The following FRAS1 variants were observed in gnomAD, a reference collection of about 807,000 sequenced individuals.
The protein encoded by FRAS1 is extracellular matrix organizing protein FRAS1.
FRAS1 carries 290 observed loss-of-function variants against 435.2 expected under a neutral mutation model. The observed-to-expected ratio is 0.67, with a 90% CI of 0.61 to 0.73. FRAS1 has a LOEUF of 0.73. Ranked by LOEUF, FRAS1 falls within the 30% of genes least tolerant of loss-of-function variation. The pLI, the probability that FRAS1 is intolerant of heterozygous loss-of-function variation, is 0.00. For synonymous variants in FRAS1, 1,800 were observed against 1,851.0 expected, an observed-to-expected ratio of 0.97 and a Z score of 0.71; for missense variants, 4,860 against 5,001.5, an observed-to-expected ratio of 0.97 and a Z score of 0.85.
chr4:78,418,639 T>A (rs61212203), intron 32 of FRAS1, among the ~76,000 whole-genome samples: 23 of 152,254 alleles, frequency 1.5e-4, no homozygotes, highest in African/African-American at 5.5e-4. Context: ...TTTGCAAACG[T>A]GTTCCACCTA....
chr4:78,320,071 A>T (rs1467470443), intron 18 of FRAS1, among the ~76,000 whole-genome samples: 1 of 152,176 alleles, frequency 6.6e-6, no homozygotes, highest in Non-Finnish European at 1.5e-5. Flanking sequence ...ACCTCCATCC[A>T]TGTACTCAGG....
chr4:78,334,926 T>G (rs577775174), intron 19 of FRAS1, among the ~76,000 whole-genome samples: 1 of 151,852 alleles, frequency 6.6e-6, no homozygotes, highest in African/African-American at 2.4e-5. Context: ...GCCCAAGTAA[T>G]TTTTTTTAAA....
At chr4:78,067,325 G>C (rs1379055095) in intron 2 of FRAS1, among the ~76,000 whole-genome samples, 1 of 152,166 alleles carries the variant, frequency 6.6e-6, no homozygotes, top group African/African-American at 2.4e-5. Context: ...ACCAGAACAA[G>C]ACATCCTGTC....
At chr4:78,171,043 A>T (rs1313451489) in intron 2 of FRAS1, among the ~76,000 whole-genome samples, 1 of 151,962 alleles carries the variant, frequency 6.6e-6, no homozygotes, top group East Asian at 1.9e-4. Context: ...ATGAACCAGC[A>T]ATTTTAGGGC....
chr4:78,391,290 C>G (rs1458987178), intron 29 of FRAS1, among the ~76,000 whole-genome samples: 2 of 152,196 alleles, frequency 1.3e-5, no homozygotes, highest in Non-Finnish European at 2.9e-5. Flanking sequence ...CAGCCTTATA[C>G]TGAGTTGCTG....
intron 2 of FRAS1, among the ~76,000 whole-genome samples, chr4:78,099,676 C>T (rs1742015513): frequency 6.6e-6 from 1 of 152,084 alleles, no homozygotes; most frequent in Non-Finnish European, 1.5e-5. Flanking sequence ...ACAGTGAGAA[C>T]ATAGTAAAGT....
chr4:78,197,922 C>T (rs972098586), intron 2 of FRAS1, among the ~76,000 whole-genome samples: 7 of 133,240 alleles, frequency 5.3e-5, no homozygotes, highest in African/African-American at 2.0e-4. Flanking sequence ...GCCTGGGTGA[C>T]AGAGTGAGAC....
At chr4:78,104,008 T>G (rs1222236479) in intron 2 of FRAS1, among the ~76,000 whole-genome samples, 1 of 152,176 alleles carries the variant, frequency 6.6e-6, no homozygotes, top group Non-Finnish European at 1.5e-5. Context: ...GAATGCAACA[T>G]GCACTTGTAA....
At position 78,284,229 on chromosome 4, in the gene FRAS1, ATTTTT is replaced by A. The variant is rs11453256; in HGVS notation, c.1256-157_1256-153del. On this transcript the variant is annotated intron_variant, in intron 12 of 73. Transcript: ENST00000512123. ...TCCTTGCAATCTTGCATTGGAATGT[ATTTTT>A]TTTTTTTTTTTTTTTTTTGCTATTT... 6.1e-4 allele frequency among the ~76,000 whole-genome samples: 49 copies of A among 80,820 alleles called. 1 individual carries two copies. The East Asian group carries it at 9.4e-3, about 16-fold the overall frequency. The allele number at this position is 80,820 out of a possible 152,430, so 53.0% of individuals were successfully genotyped here.
At chr4:78,167,751 C>A (rs965231123) in intron 2 of FRAS1, among the ~76,000 whole-genome samples, 4 of 151,982 alleles carry the variant, frequency 2.6e-5, no homozygotes, top group African/African-American at 7.2e-5. Flanking sequence ...TGAACCCCAG[C>A]GATCTGAACC....
intron 19 of FRAS1, among the ~76,000 whole-genome samples, chr4:78,334,771 T>TG (rs963014446): frequency 2.6e-5 from 4 of 151,940 alleles, no homozygotes; most frequent in African/African-American, 9.7e-5. Flanking sequence ...TTTTTCTTTT[T>TG]TTTAAGAGAT....
chr4:78,281,676 T>G (rs1727338452), intron 11 of FRAS1, among the ~76,000 whole-genome samples: 1 of 152,218 alleles, frequency 6.6e-6, no homozygotes, highest in Non-Finnish European at 1.5e-5. Flanking sequence ...AGCTCCTACA[T>G]AGATTCTTTC....
intron 55 of FRAS1, among the ~76,000 whole-genome samples, chr4:78,478,398 G>C (rs1035484391): frequency 1.3e-5 from 2 of 152,202 alleles, no homozygotes; most frequent in Non-Finnish European, 2.9e-5. Flanking sequence ...TGGTCAAGGA[G>C]GGAAGTTACA....
chr4:78,378,862 A>T (rs923020), intron 26 of FRAS1, among the ~76,000 whole-genome samples: 117,500 of 152,074 alleles, frequency 0.77, 46,193 homozygotes, highest in African/African-American at 0.91. Context: ...AATATAAAAA[A>T]TTTACATTTT....
chr4:78,467,829 A>G (rs886746148), intron 50 of FRAS1, among the ~76,000 whole-genome samples: 5 of 152,194 alleles, frequency 3.3e-5, no homozygotes, highest in Non-Finnish European at 4.4e-5. Flanking sequence ...GATCAGTGAT[A>G]TTGAGCGTCT....
At chr4:78,384,177 C>T in intron 28 of FRAS1, 34 bp downstream of exon 28, 1 of 1,379,080 alleles carries the variant, frequency 7.3e-7, no homozygotes, top group Non-Finnish European at 1.0e-6. Flanking sequence ...AATAATTTTA[C>T]ATGACTACTA....
chr4:78,312,170 T>C (rs1729050125), intron 15 of FRAS1, among the ~76,000 whole-genome samples: 1 of 83,610 alleles, frequency 1.2e-5, no homozygotes, highest in Non-Finnish European at 2.6e-5. Context: ...TGTCGAGCCA[T>C]CTGAAGTCCA....
chr4:78,473,745 A>G (rs1719781387), intron 53 of FRAS1, 148 bp downstream of exon 53: 2 of 569,948 alleles, frequency 3.5e-6, no homozygotes, highest in Admixed American at 6.8e-5. Context: ...ATTTCACCAA[A>G]TATTTATTGA....
intron 4 of FRAS1, among the ~76,000 whole-genome samples, chr4:78,248,183 AG>A (rs373864092): frequency 1.4e-4 from 22 of 152,280 alleles, no homozygotes; most frequent in Middle Eastern, 3.4e-3. Context: ...GAGTGTTGCA[AG>A]GGTTTATTAT....
Sources: gnomAD v4.1 joint callset for allele counts (sites outside exome capture counted in the v4.1 genomes callset) on GRCh38, gnomAD v4.1.1 for gene constraint, MANE v1.5 for transcripts, NCBI Gene and HGNC (gene_info 2026-07-23, HGNC 2026-07-21) for gene names.